The following CUBN variants were observed in gnomAD, a reference collection of about 807,000 sequenced individuals.
The protein encoded by CUBN is 460 kDa receptor.
A neutral mutation model predicts 405.3 loss-of-function variants in CUBN; 282 were observed. That is an observed-to-expected ratio of 0.70 (90% CI 0.63 to 0.77). CUBN has a LOEUF of 0.77. Ranked by LOEUF, CUBN falls within the 30% of genes least tolerant of loss-of-function variation. The probability of loss-of-function intolerance (pLI) is 0.00; values close to 1 mark genes in which losing one functional copy is unlikely to be tolerated. For synonymous variants in CUBN, 1,684 were observed against 1,617.0 expected, an observed-to-expected ratio of 1.04 and a Z score of -0.99; for missense variants, 4,514 against 4,475.2, an observed-to-expected ratio of 1.01 and a Z score of -0.25.
intron 15 of CUBN, among the ~76,000 whole-genome samples, 186 bp downstream of exon 15, chr10:17,087,978 G>A (rs779735949): frequency 9.2e-5 from 14 of 152,088 alleles, no homozygotes; most frequent in Non-Finnish European, 1.2e-4. Context: ...ATGGAACCCA[G>A]AAGAAGAAGC....
At chr10:16,893,334 A>C (rs954867978) in intron 54 of CUBN, among the ~76,000 whole-genome samples, 3 of 152,068 alleles carry the variant, frequency 2.0e-5, no homozygotes, top group South Asian at 2.1e-4. Context: ...TACTATCACA[A>C]CCAGGTTACT....
In CUBN at chr10:17,021,209, A is replaced by G. The variant is rs540220048; in HGVS notation, c.4018-1226T>C. Among the ~76,000 whole-genome samples, 5 of 152,218 alleles carry G rather than the reference A, an allele frequency of 3.3e-5. No individual in the cohort carries two copies. The South Asian group carries it at 1.0e-3, about 32-fold the overall frequency. ...TCCATTTTTCCATTGAGGTATTTATACATCTTCAAGGAGAAATGGAGGGTG... is the reference window on the plus strand; with the variant it reads ...TCCATTTTTCCATTGAGGTATTTATGCATCTTCAAGGAGAAATGGAGGGTG... On this transcript the variant is annotated intron_variant, in intron 27 of 66. Transcript: ENST00000377833.
chr10:16,994,272 C>A (rs1475339606), intron 28 of CUBN, among the ~76,000 whole-genome samples: 1 of 151,978 alleles, frequency 6.6e-6, no homozygotes, highest in Non-Finnish European at 1.5e-5. Context: ...TATTTAATAT[C>A]TCTTGAAAAA....
At chr10:17,077,316 A>T (rs1487305439) in intron 17 of CUBN, among the ~76,000 whole-genome samples, 16 of 152,096 alleles carry the variant, frequency 1.1e-4, no homozygotes, top group Admixed American at 1.0e-3. Flanking sequence ...AAAAAAAACG[A>T]GTTTTTGTAA....
intron 5 of CUBN, 135 bp from the exon 6 acceptor site, chr10:17,123,033 A>G: frequency 2.8e-6 from 2 of 705,996 alleles, no homozygotes; most frequent in African/African-American, 1.8e-5. Context: ...AATAATACTG[A>G]TATTAACCCC....
chr10:17,090,858 T>G (rs1430823631), intron 14 of CUBN, among the ~76,000 whole-genome samples: 2 of 148,628 alleles, frequency 1.3e-5, no homozygotes, highest in Non-Finnish European at 3.0e-5. Flanking sequence ...CTCTATAATC[T>G]CAATATTCCA....
At chr10:16,982,262 A>AGC (rs1219762152) in intron 31 of CUBN, among the ~76,000 whole-genome samples, 2 of 152,248 alleles carry the variant, frequency 1.3e-5, no homozygotes, top group Non-Finnish European at 2.9e-5. Flanking sequence ...TAATAATGGT[A>AGC]GCGCAGAAAC....
At chr10:17,110,315 G>T (rs1308093798) in intron 9 of CUBN, among the ~76,000 whole-genome samples, 1 of 152,074 alleles carries the variant, frequency 6.6e-6, no homozygotes, top group African/African-American at 2.4e-5. Flanking sequence ...TATTCGTGAG[G>T]GCAATGGAAC....
chr10:16,943,429 C>T (rs1184801698), intron 36 of CUBN, among the ~76,000 whole-genome samples: 2 of 115,084 alleles, frequency 1.7e-5, no homozygotes, highest in African/African-American at 9.2e-5. Context: ...ATATTTCTAT[C>T]TTCAATCTTT....
At chr10:16,934,349 A>G (rs993246975) in intron 39 of CUBN, among the ~76,000 whole-genome samples, 1 of 152,204 alleles carries the variant, frequency 6.6e-6, no homozygotes, top group Non-Finnish European at 1.5e-5. Context: ...CCATTTCAGA[A>G]GTTTACAACT....
In CUBN at chr10:16,840,986, G is replaced by A. The variant is rs1420077018; in HGVS notation, c.9725C>T (p.Pro3242Leu). ...GTTACCAGAAGAGATAAAAGGAGCA[G>A]GTACTGTGGAACCACAAAACGTTCC... ...LAGTFCGSTV[P>L]APFISSGNFL... Residue 3242 changes from proline to leucine, a missense_variant, in exon 61 of 67, where the codon CCT (proline) becomes CTT (leucine). This residue lies in a region of CUBN where 1,186 missense variants were observed against 1,186.9 expected (regional missense o/e 1.00). Transcript: ENST00000377833. 3 of 1,614,050 alleles carry A rather than the reference G, an allele frequency of 1.9e-6. No homozygotes were observed. Among genetic ancestry groups the A allele is most frequent in the Admixed American group, 1.7e-5 (1 of 60,012 alleles).
chr10:17,105,439 G>T lies in CUBN; in HGVS notation c.1230+18C>A. The T allele has an allele frequency of 1.4e-6, 2 of 1,388,804 alleles. No homozygotes were observed. Among genetic ancestry groups the T allele is most frequent in the Non-Finnish European group, 2.1e-6 (2 of 973,092 alleles). The allele number at this position is 1,388,804 out of a possible 1,614,324, so 86.0% of individuals were successfully genotyped here. A position where few individuals can be genotyped will look rare whatever the true frequency, so the allele number is the denominator to read the frequency against. On this transcript the variant is annotated intron_variant, in intron 11 of 66. Transcript: ENST00000377833. ...ATTCTCAGGTACTCTCTGTCCACAG[G>T]AAAAACAAAGGACTCACGATGCATT...
chr10:16,856,193 C>T (rs1022518153), intron 59 of CUBN, among the ~76,000 whole-genome samples: 1 of 152,098 alleles, frequency 6.6e-6, no homozygotes, highest in Non-Finnish European at 1.5e-5. Flanking sequence ...ATATGTTTAG[C>T]ATCACCAATC....
chr10:16,888,481 G>C lies in CUBN; in HGVS notation c.8841C>G (p.Thr2947=), dbSNP rs1305733780. ...PKQYDNNMNC[T]YVIEANPLSV... ...ACAGAGGATTAGCCTCTATGACATA[G>C]GTGCAATTCATGTTGTTGTCATATT... The change falls in exon 56 of 67, where the codon ACC becomes ACG. Residue 2947 remains threonine (T), a synonymous_variant. Transcript: ENST00000377833. 27 of 1,612,428 alleles carry C rather than the reference G, an allele frequency of 1.7e-5. No homozygotes were observed. Among genetic ancestry groups the C allele is most frequent in the African/African-American group, 4.0e-5 (3 of 74,884 alleles).
chr10:17,083,516 A>AATAAATACACACATACATAC (rs59957943), intron 17 of CUBN, among the ~76,000 whole-genome samples: 2 of 142,724 alleles, frequency 1.4e-5, no homozygotes, highest in Non-Finnish European at 3.0e-5. Context: ...AAAATAAATA[A>AATAAATACACACATACATAC]ATACATACAT....
At chr10:16,887,629 T>A (rs1840859464) in intron 56 of CUBN, among the ~76,000 whole-genome samples, 1 of 152,204 alleles carries the variant, frequency 6.6e-6, no homozygotes, top group Non-Finnish European at 1.5e-5. Context: ...TTGATGGGAA[T>A]GTAAATTAGT....
chr10:17,102,597 T>C (rs1165847556), intron 13 of CUBN, among the ~76,000 whole-genome samples: 13 of 43,128 alleles, frequency 3.0e-4, no homozygotes, highest in African/African-American at 7.3e-5. Context: ...TTGTTACTCT[T>C]TTTTTTTTTT....
chr10:16,928,093 G>A (rs1385069699), intron 41 of CUBN, 64 bp downstream of exon 41: 4 of 1,558,552 alleles, frequency 2.6e-6, no homozygotes, highest in Admixed American at 1.7e-5. Flanking sequence ...TAGGAAGAGA[G>A]AAAGAGAGAG....
chr10:16,914,084 T>C (rs1326690215), intron 47 of CUBN, 92 bp from the exon 48 acceptor site: 11 of 1,365,386 alleles, frequency 8.1e-6, no homozygotes, highest in Non-Finnish European at 1.1e-5. Flanking sequence ...ATTTAAAAAT[T>C]ATCCTTCTAG....
Sources: gnomAD v4.1 joint callset for allele counts (sites outside exome capture counted in the v4.1 genomes callset) on GRCh38, gnomAD v4.1.1 for gene constraint, gnomAD v4.1.1 regional missense constraint, MANE v1.5 for transcripts, NCBI Gene and HGNC (gene_info 2026-07-23, HGNC 2026-07-21) for gene names.